PTPN18: variants seen among roughly 807,000 people sequenced by gnomAD.
PTPN18 encodes the protein protein tyrosine phosphatase non-receptor type 18.
A neutral mutation model predicts 65.4 loss-of-function variants in PTPN18; 65 were observed. The ratio of observed to expected loss-of-function variants is 0.99; its 90% CI spans 0.81 to 1.22. PTPN18 has a LOEUF of 1.22. Among genes scored for constraint, PTPN18 ranks in the 50% most tolerant of loss-of-function variants. The probability of loss-of-function intolerance (pLI) is 0.00; values close to 1 mark genes in which losing one functional copy is unlikely to be tolerated. For missense variants in PTPN18, 616 were observed against 646.5 expected, an observed-to-expected ratio of 0.95 and a Z score of 0.51; for synonymous variants, 255 against 267.8, an observed-to-expected ratio of 0.95 and a Z score of 0.47.
rs374522330 is a variant in PTPN18 at position 130,359,385 on chromosome 2, G to A, written c.280-12G>A. The A allele has an allele frequency of 1.3e-5, 21 of 1,614,008 alleles. No individual in the cohort carries two copies. Among genetic ancestry groups the A allele is most frequent in the South Asian group, 3.3e-5 (3 of 91,082 alleles). On this transcript the variant is annotated splice_polypyrimidine_tract_variant and intron_variant, in intron 3 of 14. Coordinates refer to ENST00000175756, the MANE Select transcript of PTPN18 (RefSeq NM_014369.4). ...GCCGCAGAATCTCAGTCGTGAATTC[G>A]GCCTTCACCAGGGCGTGGATGGAAG...
chr2:130,372,737 G>C, intron 13 of PTPN18, 136 bp from the exon 14 acceptor site: 1 of 1,109,666 alleles, frequency 9.0e-7, no homozygotes, highest in Middle Eastern at 3.1e-4. Context: ...GGCCACGTCC[G>C]GGGTGTGTGC....
chr2:130,362,109 C>T (rs1010307681), intron 5 of PTPN18: 5 of 470,170 alleles, frequency 1.1e-5, no homozygotes, highest in African/African-American at 6.0e-5. Flanking sequence ...GTTGGGACTA[C>T]AGGCATACAC....
intron 5 of PTPN18, among the ~76,000 whole-genome samples, chr2:130,364,815 CAA>C (rs1558844060): frequency 4.9e-4 from 75 of 152,280 alleles, no homozygotes; most frequent in African/African-American, 1.8e-3. Flanking sequence ...ACAACAACAA[CAA>C]CAAAAAATTG....
intron 1 of PTPN18, among the ~76,000 whole-genome samples, chr2:130,358,582 A>G (rs1262300377): frequency 1.3e-5 from 2 of 152,166 alleles, no homozygotes; most frequent in Non-Finnish European, 2.9e-5. Context: ...CACGTGGTGC[A>G]TAAACTTTCC....
chr2:130,372,476 TG>T lies in PTPN18; in HGVS notation c.1235del (p.Gly412AlafsTer27). 1 of 1,374,824 alleles carries T rather than the reference TG, an allele frequency of 7.3e-7. No homozygotes were observed. The highest frequency in any genetic ancestry group is 9.3e-7 in the Non-Finnish European group (1 of 1,071,676). The allele number at this position is 1,374,824 out of a possible 1,614,324, so 85.2% of individuals were successfully genotyped here. ...HAEDARGTLP[G>X]RVPADQSPAG... ...CGGAGGACGCGAGGGGGACGCTGCCTGGCCGCGGTGAGTCGAGGCTTGCTCC... is the reference window on the plus strand; with the variant it reads ...CGGAGGACGCGAGGGGGACGCTGCCTGCCGCGGTGAGTCGAGGCTTGCTCC... On this transcript the variant is annotated frameshift_variant, in exon 13 of 15. Transcript: ENST00000175756. LOFTEE classifies it high-confidence loss of function.
At chr2:130,361,557 T>TCTTTCTTTCTTTCTTTCTTTCTTTC (rs1553458555) in intron 5 of PTPN18, among the ~76,000 whole-genome samples, 10 of 78,506 alleles carry the variant, frequency 1.3e-4, no homozygotes, top group African/African-American at 3.9e-4. Context: ...TTTCTTTCTT[T>TCTTTCTTTCTTTCTTTCTTTCTTTC]CTTTCTTTCC....
intron 1 of PTPN18, among the ~76,000 whole-genome samples, chr2:130,356,911 C>T (rs1019619975): frequency 1.3e-5 from 2 of 152,184 alleles, no homozygotes; most frequent in African/African-American, 4.8e-5. Context: ...TAAACGTGGG[C>T]CAGGTGCGGT....
At chr2:130,372,648 G>T in intron 13 of PTPN18, 165 bp downstream of exon 13, 2 of 1,038,508 alleles carry the variant, frequency 1.9e-6, no homozygotes, top group Middle Eastern at 6.5e-4. Context: ...CGCCCCGGAA[G>T]CGCCCCCTGG....
intron 5 of PTPN18, among the ~76,000 whole-genome samples, chr2:130,361,557 T>TCTTTCTTTCTTTCTTTCTTTC (rs1553458555): frequency 2.8e-4 from 22 of 78,560 alleles, no homozygotes; most frequent in East Asian, 1.2e-3. Flanking sequence ...TTTCTTTCTT[T>TCTTTCTTTCTTTCTTTCTTTC]CTTTCTTTCC....
rs371192532 is a variant in PTPN18 at position 130,359,426 on chromosome 2, C to T, written c.309C>T (p.Ala103=). The change falls in exon 4 of 15, where the codon GCC becomes GCT. Residue 103 remains alanine (A), a synonymous_variant. Transcript: ENST00000175756. The part of the protein sequence containing the change: ...RGVDGSLAYI[A]TQGPLPHTLL... Reference sequence around the variant, plus strand: ...TGGATGGAAGCCTGGCCTACATTGCCACGCAAGGACCCTTGCCTCACACCC... The same window carrying T: ...TGGATGGAAGCCTGGCCTACATTGCTACGCAAGGACCCTTGCCTCACACCC... The T allele has an allele frequency of 2.5e-6, 4 of 1,614,092 alleles. No homozygotes were observed. The African/African-American group carries it at 4.0e-5, about 16-fold the overall frequency.
chr2:130,370,898 C>T lies in PTPN18; in HGVS notation c.858C>T (p.His286=), dbSNP rs1225798871. The T allele has an allele frequency of 1.2e-6, 2 of 1,614,070 alleles. No homozygotes were observed. Among genetic ancestry groups the T allele is most frequent in the East Asian group, 4.5e-5 (2 of 44,888 alleles). The change falls in exon 11 of 15, where the codon CAC becomes CAT. Residue 286 remains histidine (H), a synonymous_variant. Transcript: ENST00000175756. The part of the protein sequence containing the change: ...QTEEQYRFLY[H]TVAQMFCSTL... ...AGGAGCAGTACAGGTTCCTGTACCACACGGTGGCTCAGATGTTCTGCTCCA... is the reference window on the plus strand; with the variant it reads ...AGGAGCAGTACAGGTTCCTGTACCATACGGTGGCTCAGATGTTCTGCTCCA...
At chr2:130,365,859 T>A (rs933098089) in intron 5 of PTPN18, among the ~76,000 whole-genome samples, 1 of 152,244 alleles carries the variant, frequency 6.6e-6, no homozygotes, top group Admixed American at 6.5e-5. Flanking sequence ...GGCCCCTTTG[T>A]TGAAAATTAA....
At chr2:130,358,732 T>G (rs1680076084) in intron 1 of PTPN18, 135 bp from the exon 2 acceptor site, 1 of 673,276 alleles carries the variant, frequency 1.5e-6, no homozygotes, top group East Asian at 2.5e-5. Context: ...GCAGGCCCAG[T>G]GCCATCAGGG....
Position 130,373,219 on chromosome 2 carries a change from G to C in PTPN18, c.1378G>C (p.Val460Leu), listed in dbSNP as rs1680638808. The change falls in exon 15 of 15, where the codon GTG becomes CTG. Residue 460 changes from valine to leucine, a missense_variant. Physicochemically the swap from Val to Leu is conservative, Grantham distance 32 (BLOSUM62 1). Transcript: ENST00000175756. The surrounding 1 kb of genome is among the most constrained non-coding windows in gnomAD (Gnocchi z 4.1). ...PRDPPAEWTR[V>L] ...GGACCCGCCTGCTGAGTGGACCCGG[G>C]TGTAAGTCTAACGCCAGTTCCTGCC... 9 of 1,598,978 alleles carry C rather than the reference G, an allele frequency of 5.6e-6. No individual in the cohort carries two copies. The highest frequency in any genetic ancestry group is 7.7e-6 in the Non-Finnish European group (9 of 1,173,436).
At chr2:130,366,580 G>A (rs1381382435) in intron 5 of PTPN18, among the ~76,000 whole-genome samples, 1 of 152,144 alleles carries the variant, frequency 6.6e-6, no homozygotes. Flanking sequence ...TGATGTCTTT[G>A]GTTTTGGTGC....
At chr2:130,356,639 G>A (rs949302229) in intron 1 of PTPN18, 5 of 471,668 alleles carry the variant, frequency 1.1e-5, no homozygotes, top group South Asian at 6.2e-5. Context: ...GAACACGGAG[G>A]CTGTGGCGTG....
In PTPN18 at chr2:130,357,432, G is replaced by A. The variant is rs1219641979; in HGVS notation, c.93+1232G>A. 2.0e-5 allele frequency among the ~76,000 whole-genome samples: 3 copies of A among 151,996 alleles called. No homozygotes were observed. In the East Asian group the frequency reaches 5.8e-4, roughly 29 times the overall value. On this transcript the variant is annotated intron_variant, in intron 1 of 14. Coordinates refer to ENST00000175756, the MANE Select transcript of PTPN18 (RefSeq NM_014369.4). The stretch of plus-strand genomic sequence containing the variant: ...TTAGAAATATGACAAATATATAAAA[G>A]TATTATAAATGACCGTTTATACAAT...
chr2:130,362,348 G>T (rs771372073), intron 5 of PTPN18: 3 of 301,534 alleles, frequency 9.9e-6, no homozygotes, highest in South Asian at 7.4e-5. Context: ...TATCAATAAT[G>T]TTGGGTTTAA....
At chr2:130,372,625 G>GC in intron 13 of PTPN18, 142 bp downstream of exon 13, 1 of 1,160,606 alleles carries the variant, frequency 8.6e-7, no homozygotes, top group Non-Finnish European at 1.2e-6. Flanking sequence ...TGATGTCCAG[G>GC]CGTCCCTGGC....
Sources: gnomAD v4.1 joint callset for allele counts (sites outside exome capture counted in the v4.1 genomes callset) on GRCh38, gnomAD v4.1.1 for gene constraint, Gnocchi (gnomAD v3.1) non-coding constraint, MANE v1.5 for transcripts, NCBI Gene and HGNC (gene_info 2026-07-23, HGNC 2026-07-21) for gene names.